ST18: variants seen among roughly 807,000 people sequenced by gnomAD.
The protein encoded by ST18 is suppression of tumorigenicity 18 protein.
A neutral mutation model predicts 110.0 loss-of-function variants in ST18; 50 were observed. That is an observed-to-expected ratio of 0.45 (90% CI 0.36 to 0.58). ST18 has a LOEUF of 0.58. Among genes scored for constraint, ST18 ranks in the 20% least tolerant of loss-of-function variants. ST18 has a pLI of 0.00. For missense variants in ST18, 1,306 were observed against 1,280.1 expected (o/e 1.02, Z -0.31); for synonymous variants, 461 against 452.4 (o/e 1.02, Z -0.24).
intron 2 of ST18, among the ~76,000 whole-genome samples, chr8:52,268,199 C>A (rs1048672251): frequency 5.9e-5 from 9 of 152,212 alleles, no homozygotes; most frequent in Admixed American, 5.2e-4. Context: ...ATGAAGACAG[C>A]AATCACAGCC....
At chr8:52,284,804 T>C (rs1271336776) in intron 2 of ST18, among the ~76,000 whole-genome samples, 1 of 152,118 alleles carries the variant, frequency 6.6e-6, no homozygotes, top group African/African-American at 2.4e-5. Context: ...AGGAGAAATA[T>C]AACCCCCGCC....
At chr8:52,347,565 T>G (rs1818337997) in intron 2 of ST18, among the ~76,000 whole-genome samples, 1 of 152,238 alleles carries the variant, frequency 6.6e-6, no homozygotes, top group Admixed American at 6.5e-5. Context: ...AAGGTGATTT[T>G]TCCTCATTTT....
At chr8:52,117,374 C>G (rs1345565227) in intron 24 of ST18, among the ~76,000 whole-genome samples, 1 of 152,176 alleles carries the variant, frequency 6.6e-6, no homozygotes, top group Non-Finnish European at 1.5e-5. Flanking sequence ...TACAGCCACT[C>G]GCCCAGCCCC....
intron 8 of ST18, among the ~76,000 whole-genome samples, chr8:52,207,413 G>A (rs1367600023): frequency 6.6e-6 from 1 of 152,192 alleles, no homozygotes; most frequent in Admixed American, 6.5e-5. Flanking sequence ...GATTGCCTGA[G>A]CCCAGGAGGT....
chr8:52,143,601 G>A (rs1339425768), intron 16 of ST18, among the ~76,000 whole-genome samples: 1 of 152,206 alleles, frequency 6.6e-6, no homozygotes, highest in Non-Finnish European at 1.5e-5. Context: ...CCTTTCAAAA[G>A]TTCACATTTT....
intron 6 of ST18, among the ~76,000 whole-genome samples, chr8:52,216,151 A>C (rs905777313): frequency 6.6e-6 from 1 of 152,248 alleles, no homozygotes; most frequent in African/African-American, 2.4e-5. Flanking sequence ...CAGTGGACAC[A>C]AATCAAAATT....
rs185685840 is a variant in ST18 at position 52,121,697 on chromosome 8, A to T, written c.2756-3256T>A. On this transcript the variant is annotated intron_variant, in intron 23 of 25. Transcript: ENST00000689386. ...AGAATATGTTCTTTTAACCATGAAA[A>T]TACTATCTTTATTCATAGATGTTTC... Among the ~76,000 whole-genome samples the T allele has an allele frequency of 2.3e-3, 346 of 152,304 alleles. 1 individual carries two copies. Among genetic ancestry groups the T allele is most frequent in the Admixed American group, 4.2e-3 (64 of 15,298 alleles).
chr8:52,142,072 G>A (rs1586814133), intron 17 of ST18, among the ~76,000 whole-genome samples: 1 of 152,180 alleles, frequency 6.6e-6, no homozygotes, highest in Non-Finnish European at 1.5e-5. Context: ...GTGGCATCCT[G>A]CTGCCTGTCA....
At chr8:52,306,337 C>T (rs994932791) in intron 2 of ST18, among the ~76,000 whole-genome samples, 1 of 152,262 alleles carries the variant, frequency 6.6e-6, no homozygotes, top group East Asian at 1.9e-4. Context: ...GATTTTCTGG[C>T]CCCTCTTGCT....
chr8:52,350,032 G>T (rs533608213), intron 2 of ST18, among the ~76,000 whole-genome samples: 2 of 152,124 alleles, frequency 1.3e-5, no homozygotes, highest in Non-Finnish European at 2.9e-5. Flanking sequence ...TCCACACCCC[G>T]CAGGACCTCC....
At chr8:52,198,555 T>A (rs2076928602) in intron 8 of ST18, among the ~76,000 whole-genome samples, 1 of 152,222 alleles carries the variant, frequency 6.6e-6, no homozygotes, top group Non-Finnish European at 1.5e-5. Flanking sequence ...GCTAACATAC[T>A]GGAGTAATAT....
intron 2 of ST18, among the ~76,000 whole-genome samples, chr8:52,295,710 C>CTT (rs371927202): frequency 0.13 from 17,617 of 130,746 alleles, 1,356 homozygotes; most frequent in East Asian, 0.2. Context: ...TCTTTTTTTC[C>CTT]TTTTTTTTTT....
chr8:52,332,851 AAAAC>A (rs1189688851), intron 2 of ST18, among the ~76,000 whole-genome samples: 2 of 152,086 alleles, frequency 1.3e-5, no homozygotes, highest in East Asian at 1.9e-4. Context: ...ACTCTGTCAA[AAAAC>A]AAACAAACAA....
In ST18 at chr8:52,133,320, G is replaced by A; in HGVS notation, c.2301-19C>T. ...TGGACACCTGGAAGGCACAGGAAGA[G>A]AGCATGGGCTGAGAAGTTGTAGTTG... is the stretch of plus-strand genomic sequence containing the variant. On this transcript the variant is annotated intron_variant, in intron 19 of 25. Transcript: ENST00000689386. 6.2e-7 allele frequency: 1 copy of A among 1,614,140 alleles called. No homozygotes were observed.
chr8:52,297,864 A>G (rs1226282047), intron 2 of ST18, among the ~76,000 whole-genome samples: 2 of 152,252 alleles, frequency 1.3e-5, no homozygotes, highest in Non-Finnish European at 2.9e-5. Flanking sequence ...TACCACAACT[A>G]TGAGTAAATG....
At chr8:52,126,821 T>C (rs1436303368) in intron 22 of ST18, among the ~76,000 whole-genome samples, 2 of 152,232 alleles carry the variant, frequency 1.3e-5, no homozygotes, top group African/African-American at 4.8e-5. Context: ...TTTATAACCC[T>C]TCCATTTAGT....
At chr8:52,170,421 C>T (rs1315032470) in intron 10 of ST18, among the ~76,000 whole-genome samples, 5 of 151,444 alleles carry the variant, frequency 3.3e-5, no homozygotes, top group Non-Finnish European at 7.4e-5. Flanking sequence ...CACTGCACTC[C>T]AGCCTGGGCA....
Position 52,372,595 on chromosome 8 carries a change from T to C in ST18, c.-465+36733A>G, listed in dbSNP as rs556424127. On this transcript the variant is annotated intron_variant, in intron 2 of 25. Transcript: ENST00000689386. Reference sequence around the variant, plus strand: ...GTACAGGTGGACCATTTTTAATCTTTTAGAGTGTATTTTTACAGCACCTTT... The same window carrying C: ...GTACAGGTGGACCATTTTTAATCTTCTAGAGTGTATTTTTACAGCACCTTT... Among the ~76,000 whole-genome samples, 4 of 152,356 alleles carry C rather than the reference T, an allele frequency of 2.6e-5. No individual in the cohort carries two copies. The South Asian group carries it at 6.2e-4, about 24-fold the overall frequency.
At chr8:52,167,931 T>G (rs1343435331) in intron 10 of ST18, among the ~76,000 whole-genome samples, 2 of 151,934 alleles carry the variant, frequency 1.3e-5, no homozygotes, top group African/African-American at 4.8e-5. Context: ...AAAAGTTATA[T>G]AAATATATAC....
Sources: allele counts gnomAD v4.1 joint callset (sites outside exome capture counted in the v4.1 genomes callset), GRCh38; gene constraint gnomAD v4.1.1; transcripts MANE v1.5; gene names NCBI Gene and HGNC (gene_info 2026-07-23, HGNC 2026-07-21).